The following CSTPP1 variants were observed in gnomAD, a reference collection of about 807,000 sequenced individuals.
CSTPP1 encodes the protein centriolar satellite-associated tubulin polyglutamylase complex regulator 1, also known as UPF0705 protein C11orf49.
chr11:47,147,906 C>CTAT, the CSTPP1 span, among the ~76,000 whole-genome samples: 5 of 152,118 alleles, frequency 3.3e-5, no homozygotes, highest in African/African-American at 1.2e-4. Context: ...TGAATATTCA[C>CTAT]TATTATTATC....
the CSTPP1 span, among the ~76,000 whole-genome samples, chr11:47,008,062 G>A: frequency 2.1e-3 from 315 of 152,180 alleles, 1 homozygote; most frequent in African/African-American, 7.3e-3. Flanking sequence ...CTGCCTCCCG[G>A]GTTCAAGTGA....
At chr11:47,117,596 T>C in the CSTPP1 span, among the ~76,000 whole-genome samples, 2 of 152,174 alleles carry the variant, frequency 1.3e-5, no homozygotes, top group East Asian at 3.8e-4. Context: ...GGGAATCTGA[T>C]AATTATGTGT....
the CSTPP1 span, among the ~76,000 whole-genome samples, chr11:46,961,526 G>T: frequency 6.6e-6 from 1 of 152,044 alleles, no homozygotes; most frequent in Non-Finnish European, 1.5e-5. Flanking sequence ...CATCTTGTGG[G>T]TTGTCTTTTT....
chr11:47,061,485 A>G, the CSTPP1 span, among the ~76,000 whole-genome samples: 11 of 152,208 alleles, frequency 7.2e-5, no homozygotes, highest in African/African-American at 2.4e-4. Context: ...GCTTGTCACT[A>G]ATCCTTATCT....
At chr11:46,950,620 T>C in the CSTPP1 span, among the ~76,000 whole-genome samples, 1 of 152,010 alleles carries the variant, frequency 6.6e-6, no homozygotes, top group East Asian at 1.9e-4. Context: ...TTTTCCTTTT[T>C]TCTTTTTTTG....
the CSTPP1 span, among the ~76,000 whole-genome samples, chr11:47,105,866 C>T: frequency 1.2e-4 from 19 of 152,338 alleles, no homozygotes; most frequent in African/African-American, 4.6e-4. Context: ...AGGGACTAAA[C>T]ACAAAGTAGT....
At chr11:47,013,975 G>A in the CSTPP1 span, among the ~76,000 whole-genome samples, 1 of 152,178 alleles carries the variant, frequency 6.6e-6, no homozygotes, top group Non-Finnish European at 1.5e-5. Context: ...GGAGGCCAAG[G>A]TGGGTGGATT....
chr11:47,067,415 C>T, the CSTPP1 span, among the ~76,000 whole-genome samples: 3 of 152,108 alleles, frequency 2.0e-5, no homozygotes, highest in Admixed American at 6.6e-5. Flanking sequence ...GTCTGCCCCC[C>T]CCAAATTCCC....
the CSTPP1 span, among the ~76,000 whole-genome samples, chr11:47,011,486 G>C: frequency 6.6e-6 from 1 of 152,168 alleles, no homozygotes; most frequent in Admixed American, 6.5e-5. Context: ...AGCCATAGAA[G>C]GCTCCAAGTT....
chr11:47,097,333 C>G, the CSTPP1 span, among the ~76,000 whole-genome samples: 2 of 115,216 alleles, frequency 1.7e-5, no homozygotes, highest in South Asian at 3.2e-4. Context: ...GTGGGGGGGT[C>G]AGCCCTCCGC....
the CSTPP1 span, among the ~76,000 whole-genome samples, chr11:46,992,723 C>A: frequency 2.0e-5 from 3 of 152,104 alleles, no homozygotes; most frequent in Non-Finnish European, 4.4e-5. Flanking sequence ...TTTATAGCAG[C>A]ATGATTTATA....
chr11:47,119,532 G>A, the CSTPP1 span, among the ~76,000 whole-genome samples: 1 of 151,334 alleles, frequency 6.6e-6, no homozygotes, highest in Non-Finnish European at 1.5e-5. Flanking sequence ...ACCCATCTTC[G>A]GCATAGGTCA....
the CSTPP1 span, among the ~76,000 whole-genome samples, chr11:46,990,979 G>C: frequency 6.6e-6 from 1 of 152,112 alleles, no homozygotes; most frequent in South Asian, 2.1e-4. Context: ...ACTTTCCATT[G>C]GTCTATGTTT....
chr11:47,136,120 C>T, the CSTPP1 span, among the ~76,000 whole-genome samples: 1 of 152,146 alleles, frequency 6.6e-6, no homozygotes, highest in South Asian at 2.1e-4. Context: ...GATATATCCA[C>T]CAAAGTTTAG....
At chr11:47,141,177 A>C in the CSTPP1 span, among the ~76,000 whole-genome samples, 1 of 152,232 alleles carries the variant, frequency 6.6e-6, no homozygotes, top group Non-Finnish European at 1.5e-5. Flanking sequence ...AGAGTTGTGC[A>C]TCCATTACCA....
chr11:47,124,627 T>C, the CSTPP1 span, among the ~76,000 whole-genome samples: 1 of 152,224 alleles, frequency 6.6e-6, no homozygotes, highest in Non-Finnish European at 1.5e-5. Flanking sequence ...CATTTATTTA[T>C]ACGTGAGGCA....
the CSTPP1 span, among the ~76,000 whole-genome samples, chr11:47,136,334 C>T: frequency 6.6e-6 from 1 of 152,256 alleles, no homozygotes; most frequent in South Asian, 2.1e-4. Flanking sequence ...TGACTCCCTC[C>T]CTTGAAGAAC....
the CSTPP1 span, among the ~76,000 whole-genome samples, chr11:47,112,738 A>G: frequency 1.3e-5 from 2 of 152,226 alleles, no homozygotes; most frequent in Non-Finnish European, 2.9e-5. Flanking sequence ...CTAAAAAGTA[A>G]CATGTGACAC....
At chr11:47,085,300 G>C in the CSTPP1 span, among the ~76,000 whole-genome samples, 7 of 151,998 alleles carry the variant, frequency 4.6e-5, no homozygotes, top group Admixed American at 1.3e-4. Context: ...GACAAAACTA[G>C]GAATTGTGAC....
Sources: gnomAD v4.1 joint callset for allele counts (sites outside exome capture counted in the v4.1 genomes callset) on GRCh38, gnomAD v4.1.1 for gene constraint, MANE v1.5 for transcripts, NCBI Gene and HGNC (gene_info 2026-07-23, HGNC 2026-07-21) for gene names.